The following WWOX variants were observed in gnomAD, a reference collection of about 807,000 sequenced individuals.
WWOX encodes WW domain-containing oxidoreductase.
Under a neutral mutation model 46.2 loss-of-function variants are expected in WWOX, and 69 were observed. That is an observed-to-expected ratio of 1.49 (90% confidence interval 1.23 to 1.82). The LOEUF is 1.82. Ranked by LOEUF, WWOX falls within the 40% of genes most tolerant of loss-of-function variation. WWOX has a pLI of 0.00. For missense variants in WWOX, 919 were observed against 542.6 expected, an observed-to-expected ratio of 1.69 and a Z score of -6.89; for synonymous variants, 359 against 202.6, an observed-to-expected ratio of 1.77 and a Z score of -6.56.
At chr16:78,727,466 C>G (rs752408105) in intron 8 of WWOX, among the ~76,000 whole-genome samples, 1 of 152,108 alleles carries the variant, frequency 6.6e-6, no homozygotes, top group Non-Finnish European at 1.5e-5. Flanking sequence ...AATACATCAC[C>G]ACAGAACTGC....
At chr16:78,466,579 C>G (rs2084083567) in intron 8 of WWOX, among the ~76,000 whole-genome samples, 1 of 152,220 alleles carries the variant, frequency 6.6e-6, no homozygotes, top group East Asian at 1.9e-4. Context: ...CCTGTAATCC[C>G]AGCACTTTGG....
At chr16:78,234,748 T>A (rs894877616) in intron 5 of WWOX, among the ~76,000 whole-genome samples, 2 of 151,794 alleles carry the variant, frequency 1.3e-5, no homozygotes, top group Admixed American at 6.6e-5. Context: ...CAAGTCTCTA[T>A]TTTTAAAATA....
intron 8 of WWOX, among the ~76,000 whole-genome samples, chr16:79,139,528 C>T (rs1166724327): frequency 2.0e-5 from 3 of 152,148 alleles, no homozygotes; most frequent in Non-Finnish European, 2.9e-5. Context: ...TGTCCAAACA[C>T]GATGTCTTTA....
chr16:78,377,693 G>A (rs554619579), intron 5 of WWOX, among the ~76,000 whole-genome samples: 3 of 152,162 alleles, frequency 2.0e-5, no homozygotes, highest in South Asian at 2.1e-4. Context: ...GATTATTTTC[G>A]CTCTCTTATT....
intron 8 of WWOX, among the ~76,000 whole-genome samples, chr16:78,439,755 G>C (rs1377705096): frequency 6.6e-6 from 1 of 152,212 alleles, no homozygotes; most frequent in Admixed American, 6.5e-5. Flanking sequence ...CATGTATCCA[G>C]AGTTGCTGAG....
chr16:78,324,455 G>A (rs1437652555), intron 5 of WWOX, among the ~76,000 whole-genome samples: 1 of 152,120 alleles, frequency 6.6e-6, no homozygotes, highest in Non-Finnish European at 1.5e-5. Context: ...AAAGAGAAAT[G>A]AAAACATGGA....
At chr16:78,121,970 C>G (rs553600242) in intron 4 of WWOX, among the ~76,000 whole-genome samples, 33 of 152,182 alleles carry the variant, frequency 2.2e-4, no homozygotes, top group African/African-American at 7.2e-4. Flanking sequence ...CCGTGTTTCA[C>G]TTTTTGAGGT....
At chr16:79,209,270 G>A (rs2051629427) in intron 8 of WWOX, among the ~76,000 whole-genome samples, 2 of 152,206 alleles carry the variant, frequency 1.3e-5, no homozygotes, top group African/African-American at 4.8e-5. Context: ...CTGCAACAAT[G>A]GCATTCTGAA....
At chr16:78,522,589 A>G (rs764927387) in intron 8 of WWOX, among the ~76,000 whole-genome samples, 27 of 152,344 alleles carry the variant, frequency 1.8e-4, no homozygotes, top group Middle Eastern at 3.4e-3. Flanking sequence ...GAAATTGCTC[A>G]GTTCCTGTTT....
intron 8 of WWOX, among the ~76,000 whole-genome samples, chr16:79,033,238 C>T (rs1401570940): frequency 6.8e-6 from 1 of 146,384 alleles, no homozygotes; most frequent in Non-Finnish European, 1.5e-5. Flanking sequence ...AAAACAAAGT[C>T]TATAAAAACT....
At chr16:79,119,453 G>A (rs139965821) in intron 8 of WWOX, among the ~76,000 whole-genome samples, 1 of 152,330 alleles carries the variant, frequency 6.6e-6, no homozygotes, top group African/African-American at 2.4e-5. Flanking sequence ...CAAAATCGGA[G>A]TGCCATCCGC....
chr16:79,208,725 TCTG>T (rs2051608115), intron 8 of WWOX, among the ~76,000 whole-genome samples: 1 of 152,164 alleles, frequency 6.6e-6, no homozygotes, highest in Non-Finnish European at 1.5e-5. Context: ...TCAGTCTTAT[TCTG>T]ATGATATGTA....
chr16:79,021,469 G>A (rs895255581), intron 8 of WWOX, among the ~76,000 whole-genome samples: 1 of 152,064 alleles, frequency 6.6e-6, no homozygotes, highest in South Asian at 2.1e-4. Context: ...TTAAAATACA[G>A]TTGTCAAAAT....
At chr16:78,106,711 C>T (rs1000484293) in intron 1 of WWOX, among the ~76,000 whole-genome samples, 1 of 152,114 alleles carries the variant, frequency 6.6e-6, no homozygotes, top group Non-Finnish European at 1.5e-5. Flanking sequence ...CCACCGCGCC[C>T]GGCCACAGAG....
rs566314274 is a variant in WWOX at position 78,833,661 on chromosome 16, G to A, written c.1057-377947G>A. ...CATTACTGATGTGTTTAAGAATCTT[G>A]AATATCTATATGGTGCTTAGAGATT... On this transcript the variant is annotated intron_variant, in intron 8 of 8. Coordinates refer to ENST00000566780, the MANE Select transcript of WWOX (RefSeq NM_016373.4). 6.6e-5 allele frequency among the ~76,000 whole-genome samples: 10 copies of A among 152,290 alleles called. No homozygotes were observed. In the South Asian group the frequency reaches 8.3e-4, roughly 13 times the overall value.
chr16:79,104,102 T>C (rs1317987220), intron 8 of WWOX, among the ~76,000 whole-genome samples: 2 of 151,922 alleles, frequency 1.3e-5, no homozygotes, highest in Admixed American at 1.3e-4. Flanking sequence ...TCAACAATTT[T>C]TCTTTTTCAG....
chr16:78,901,278 T>A (rs1403496054), intron 8 of WWOX, among the ~76,000 whole-genome samples: 1 of 152,226 alleles, frequency 6.6e-6, no homozygotes, highest in Non-Finnish European at 1.5e-5. Flanking sequence ...GGACAAAAGA[T>A]CACAAAGTAT....
intron 8 of WWOX, among the ~76,000 whole-genome samples, chr16:79,041,802 C>T (rs1476708249): frequency 1.3e-5 from 2 of 152,186 alleles, no homozygotes; most frequent in Non-Finnish European, 2.9e-5. Flanking sequence ...TTTGCTTTAG[C>T]TTCCTGGCAA....
intron 8 of WWOX, among the ~76,000 whole-genome samples, chr16:79,064,275 A>G (rs2048404454): frequency 6.6e-6 from 1 of 152,254 alleles, no homozygotes; most frequent in South Asian, 2.1e-4. Flanking sequence ...TTAGTCATTT[A>G]GAAAGACAAC....
Sources: allele counts gnomAD v4.1 joint callset (sites outside exome capture counted in the v4.1 genomes callset), GRCh38; gene constraint gnomAD v4.1.1; transcripts MANE v1.5; gene names NCBI Gene and HGNC (gene_info 2026-07-23, HGNC 2026-07-21).